TMEM232: variants seen among roughly 807,000 people sequenced by gnomAD.
TMEM232 encodes the protein transmembrane protein 232.
Under a neutral mutation model 78.8 loss-of-function variants are expected in TMEM232, and 80 were observed. That is an observed-to-expected ratio of 1.01 (90% CI 0.85 to 1.22). The LOEUF is 1.22. TMEM232 is among the 50% of genes most tolerant of loss of function. The probability of loss-of-function intolerance (pLI) is 0.00; values close to 1 mark genes in which losing one functional copy is unlikely to be tolerated. For synonymous variants in TMEM232, 297 were observed against 254.3 expected, an observed-to-expected ratio of 1.17 and a Z score of -1.60; for missense variants, 881 against 742.2, an observed-to-expected ratio of 1.19 and a Z score of -2.17.
Position 110,493,285 on chromosome 5 carries a change from G to T in TMEM232, c.1703+35303C>A, listed in dbSNP as rs552051049. On this transcript the variant is annotated intron_variant, in intron 12 of 13. Coordinates refer to ENST00000455884, the MANE Select transcript of TMEM232 (RefSeq NM_001039763.4). Reference sequence around the variant, plus strand: ...TCCAAAATTAATTAATAAATTTAATGCAATTTAAATCAGAATCCTTAAAAG... The same window carrying T: ...TCCAAAATTAATTAATAAATTTAATTCAATTTAAATCAGAATCCTTAAAAG... 2.5e-4 allele frequency among the ~76,000 whole-genome samples: 38 copies of T among 150,992 alleles called. No individual in the cohort carries two copies. The South Asian group carries it at 7.7e-3, about 31-fold the overall frequency.
At chr5:110,414,320 A>C (rs777759291) in intron 2 of TMEM232, among the ~76,000 whole-genome samples, 1 of 152,170 alleles carries the variant, frequency 6.6e-6, no homozygotes, top group Non-Finnish European at 1.5e-5. Context: ...TGATTCATTG[A>C]TATATCCCCA....
In TMEM232 at chr5:110,432,398, A is replaced by C. The variant is rs116390618; in HGVS notation, c.1704-7482T>G. Among the ~76,000 whole-genome samples, 332 of 151,766 alleles carry C rather than the reference A, an allele frequency of 2.2e-3. 3 individuals are homozygous for C. Among genetic ancestry groups the C allele is most frequent in the African/African-American group, 7.6e-3 (315 of 41,490 alleles). ...CCTGCCAAACCGAGCTTCATAAACG[A>C]AGGAGAATGAAGTTTTTCCCAAACA... On this transcript the variant is annotated intron_variant, in intron 12 of 13. Coordinates refer to ENST00000455884, the MANE Select transcript of TMEM232 (RefSeq NM_001039763.4).
intron 10 of TMEM232, among the ~76,000 whole-genome samples, chr5:110,598,918 G>A (rs574439629): frequency 3.6e-4 from 54 of 149,270 alleles, no homozygotes; most frequent in South Asian, 6.4e-4. Flanking sequence ...GCTAAATGAC[G>A]AGTTAATGGG....
At chr5:110,601,637 A>C (rs1364710987) in intron 10 of TMEM232, among the ~76,000 whole-genome samples, 1 of 152,180 alleles carries the variant, frequency 6.6e-6, no homozygotes, top group Non-Finnish European at 1.5e-5. Flanking sequence ...TGCTCAAGGA[A>C]ATAAGAGAGG....
In TMEM232 at chr5:110,600,981, T is replaced by A. The variant is rs140343695; in HGVS notation, c.1276+4128A>T. Among the ~76,000 whole-genome samples, 430 of 152,298 alleles carry A rather than the reference T, an allele frequency of 2.8e-3. 7 individuals carry two copies. Among genetic ancestry groups the A allele is most frequent in the African/African-American group, 9.8e-3 (408 of 41,588 alleles). ...ACCACGATCAAGTCAGCTTCATCCC[T>A]GAGATGCAAGGCTGGTTCAACATAT... On this transcript the variant is annotated intron_variant, in intron 10 of 13. Coordinates refer to ENST00000455884, the MANE Select transcript of TMEM232 (RefSeq NM_001039763.4).
chr5:110,526,409 C>T (rs116274626), intron 12 of TMEM232, among the ~76,000 whole-genome samples: 1,648 of 151,478 alleles, frequency 0.011, 28 homozygotes, highest in African/African-American at 0.038. Context: ...AAATAATTTC[C>T]AAATAAAGAA....
In TMEM232 at chr5:110,581,247, C is replaced by T. The variant is rs554677805; in HGVS notation, c.1277-12622G>A. The stretch of plus-strand genomic sequence containing the variant: ...AAAGAGAACAAAGCCAGAGGCATTA[C>T]ATTAACCAACTTCAAGCTATACAAC... On this transcript the variant is annotated intron_variant, in intron 10 of 13. Coordinates refer to ENST00000455884, the MANE Select transcript of TMEM232 (RefSeq NM_001039763.4). Among the ~76,000 whole-genome samples, 142 of 151,932 alleles carry T rather than the reference C, an allele frequency of 9.3e-4. 1 individual carries two copies. The highest frequency in any genetic ancestry group is 3.4e-3 in the African/African-American group (141 of 41,518).
At chr5:110,677,037 A>G (rs1792115848) in intron 1 of TMEM232, among the ~76,000 whole-genome samples, 1 of 152,148 alleles carries the variant, frequency 6.6e-6, no homozygotes. Flanking sequence ...CTGGGATTAC[A>G]GGCGTGAGCC....
At chr5:110,726,027 A>G (rs1247886785) in intron 1 of TMEM232, among the ~76,000 whole-genome samples, 1 of 151,920 alleles carries the variant, frequency 6.6e-6, no homozygotes, top group Non-Finnish European at 1.5e-5. Context: ...TTTCTAATAG[A>G]CAACTTGGAT....
At chr5:110,453,231 A>G (rs1204964822) in intron 12 of TMEM232, among the ~76,000 whole-genome samples, 2 of 152,192 alleles carry the variant, frequency 1.3e-5, no homozygotes, top group Non-Finnish European at 2.9e-5. Flanking sequence ...AGAGAAGTGA[A>G]TTCTCCATTC....
At chr5:110,591,633 T>A (rs1162273615) in intron 10 of TMEM232, among the ~76,000 whole-genome samples, 1 of 152,106 alleles carries the variant, frequency 6.6e-6, no homozygotes, top group East Asian at 1.9e-4. Context: ...CAAAGTCCTA[T>A]CCCATGGACA....
chr5:110,589,218 T>C (rs895924221), intron 10 of TMEM232, among the ~76,000 whole-genome samples: 1 of 152,110 alleles, frequency 6.6e-6, no homozygotes, highest in African/African-American at 2.4e-5. Flanking sequence ...ATGAGAACAT[T>C]TTACTATCAT....
At chr5:110,433,440 G>C (rs1327192619) in intron 12 of TMEM232, among the ~76,000 whole-genome samples, 1 of 151,720 alleles carries the variant, frequency 6.6e-6, no homozygotes, top group East Asian at 1.9e-4. Context: ...TGAGAATAGA[G>C]GTACAACATA....
chr5:110,679,624 C>A (rs780684650), intron 1 of TMEM232, among the ~76,000 whole-genome samples: 13 of 151,992 alleles, frequency 8.6e-5, no homozygotes, highest in Non-Finnish European at 4.4e-5. Context: ...TTTTTATCTG[C>A]ATATAGATTT....
intron 12 of TMEM232, among the ~76,000 whole-genome samples, chr5:110,433,805 C>A (rs919757319): frequency 5.9e-5 from 9 of 151,888 alleles, no homozygotes; most frequent in Non-Finnish European, 8.8e-5. Flanking sequence ...TATGTTGAAC[C>A]ATCTTAAATC....
chr5:110,672,240 G>T (rs1423325668), intron 1 of TMEM232, among the ~76,000 whole-genome samples: 2 of 152,164 alleles, frequency 1.3e-5, no homozygotes, highest in Non-Finnish European at 2.9e-5. Flanking sequence ...ATTGTCCAAA[G>T]ATTCCTCACA....
intron 2 of TMEM232, among the ~76,000 whole-genome samples, chr5:110,645,489 A>G (rs1261987433): frequency 6.6e-6 from 1 of 151,522 alleles, no homozygotes; most frequent in African/African-American, 2.4e-5. Context: ...CAACAGAGAA[A>G]AAAACATTTG....
chr5:110,494,868 T>G (rs1391477621), intron 12 of TMEM232, among the ~76,000 whole-genome samples: 1 of 151,870 alleles, frequency 6.6e-6, no homozygotes, highest in Non-Finnish European at 1.5e-5. Context: ...ACATATAGTA[T>G]TATTTATATA....
intron 1 of TMEM232, among the ~76,000 whole-genome samples, chr5:110,682,363 C>G (rs1394000077): frequency 6.6e-6 from 1 of 151,808 alleles, no homozygotes; most frequent in Non-Finnish European, 1.5e-5. Context: ...CAAAACCTTC[C>G]CTAAATAATG....
Sources: gnomAD v4.1 joint callset for allele counts (sites outside exome capture counted in the v4.1 genomes callset) on GRCh38, gnomAD v4.1.1 for gene constraint, MANE v1.5 for transcripts, NCBI Gene and HGNC (gene_info 2026-07-23, HGNC 2026-07-21) for gene names.